NALF1: variants seen among roughly 807,000 people sequenced by gnomAD.
NALF1 encodes NALCN channel auxiliary factor 1.
Under a neutral mutation model 48.4 loss-of-function variants are expected in NALF1, and 3 were observed. That is an observed-to-expected ratio of 0.06 (90% confidence interval 0.03 to 0.16). NALF1 has a LOEUF of 0.16. Among genes scored for constraint, NALF1 ranks in the 10% least tolerant of loss-of-function variants. The probability of loss-of-function intolerance (pLI) is 1.00; values close to 1 mark genes in which losing one functional copy is unlikely to be tolerated. For synonymous variants in NALF1, 262 were observed against 245.7 expected, an observed-to-expected ratio of 1.07 and a Z score of -0.62; for missense variants, 526 against 571.5, an observed-to-expected ratio of 0.92 and a Z score of 0.81.
At chr13:107,741,315 C>T (rs1254754628) in intron 1 of NALF1, among the ~76,000 whole-genome samples, 1 of 152,122 alleles carries the variant, frequency 6.6e-6, no homozygotes, top group Non-Finnish European at 1.5e-5. Context: ...TCAGCTTCCC[C>T]TAGGATAAAT....
intron 1 of NALF1, among the ~76,000 whole-genome samples, chr13:107,335,386 G>A (rs1315103532): frequency 6.6e-6 from 1 of 152,076 alleles, no homozygotes; most frequent in African/African-American, 2.4e-5. Flanking sequence ...CAAATAAAAC[G>A]GATCAAGTGT....
chr13:107,866,338 TCTGCTGCTGCTGCTG>T lies in NALF1; in HGVS notation c.244_258del (p.Gln82_Gln86del), dbSNP rs756515049. 1.9e-5 allele frequency: 30 copies of T among 1,598,644 alleles called. No homozygotes were observed. Among genetic ancestry groups the T allele is most frequent in the South Asian group, 4.5e-5 (4 of 89,754 alleles). ...TGCTGCTGCTGCTGCTGCCGCTGCC[TCTGCTGCTGCTGCTG>T]CTGCTGCTGCTGCCGCTGCTGCTGC... On this transcript the variant is annotated inframe_deletion, in exon 1 of 3. Transcript: ENST00000375915. The surrounding 1 kb of genome is among the most constrained non-coding windows in gnomAD (Gnocchi z 4.4).
rs1011621864 is a variant in NALF1, at chr13:107,362,959, C to A, written c.916-152204G>T. 4.6e-5 allele frequency among the ~76,000 whole-genome samples: 7 copies of A among 152,042 alleles called. No individual in the cohort carries two copies. The highest frequency in any genetic ancestry group is 8.8e-5 in the Non-Finnish European group (6 of 68,030). ...TCATAGAACTATGATGTCCCCAAGACTCAAAAGCTTACCATATAATAATTG... is the reference window on the plus strand; with the variant it reads ...TCATAGAACTATGATGTCCCCAAGAATCAAAAGCTTACCATATAATAATTG... On this transcript the variant is annotated intron_variant, in intron 1 of 2. Coordinates refer to ENST00000375915, the MANE Select transcript of NALF1 (RefSeq NM_001080396.3). This position sits in a 1 kb window ranked among gnomAD's most constrained non-coding sequence, Gnocchi z 4.6.
At chr13:107,605,767 C>T (rs561259157) in intron 1 of NALF1, among the ~76,000 whole-genome samples, 63 of 152,326 alleles carry the variant, frequency 4.1e-4, no homozygotes, top group Middle Eastern at 3.4e-3. Flanking sequence ...GCTCAAGTCC[C>T]TGCTGCTGGG....
chr13:107,567,775 C>G lies in NALF1; in HGVS notation c.915+297907G>C, dbSNP rs144188737. ...TCTCCCTAAAATTACCCCTTTATAGCCAAACCCACCCTCCCATCTCTAACA... is the reference window on the plus strand; with the variant it reads ...TCTCCCTAAAATTACCCCTTTATAGGCAAACCCACCCTCCCATCTCTAACA... On this transcript the variant is annotated intron_variant, in intron 1 of 2. Coordinates refer to ENST00000375915, the MANE Select transcript of NALF1 (RefSeq NM_001080396.3). Among the ~76,000 whole-genome samples the G allele has an allele frequency of 5.9e-5, 9 of 152,262 alleles. No individual in the cohort carries two copies. In the East Asian group the frequency reaches 1.7e-3, roughly 29 times the overall value.
At chr13:107,620,141 G>A (rs1879482761) in intron 1 of NALF1, among the ~76,000 whole-genome samples, 1 of 152,150 alleles carries the variant, frequency 6.6e-6, no homozygotes, top group Admixed American at 6.5e-5. Flanking sequence ...TCCTCTAGGA[G>A]AAGAAAAAAT....
intron 2 of NALF1, among the ~76,000 whole-genome samples, chr13:107,176,894 AATTTATTT>A (rs1878951071): frequency 6.6e-6 from 1 of 151,640 alleles, no homozygotes; most frequent in Admixed American, 6.6e-5. Context: ...TTTGTTTTTA[AATTTATTT>A]AAATTTATTT....
intron 1 of NALF1, among the ~76,000 whole-genome samples, chr13:107,772,078 G>A (rs1361786395): frequency 1.3e-5 from 2 of 152,038 alleles, no homozygotes; most frequent in African/African-American, 2.4e-5. Flanking sequence ...GCAAAATATA[G>A]TAATTAAGAA....
intron 1 of NALF1, among the ~76,000 whole-genome samples, chr13:107,371,201 C>G (rs918854932): frequency 6.6e-6 from 1 of 152,166 alleles, no homozygotes; most frequent in African/African-American, 2.4e-5. Flanking sequence ...AATCCCAGCA[C>G]TTTGGAAAGC....
In NALF1 at chr13:107,510,400, C is replaced by T. The variant is rs1346419243; in HGVS notation, c.916-299645G>A. On this transcript the variant is annotated intron_variant, in intron 1 of 2. Coordinates refer to ENST00000375915, the MANE Select transcript of NALF1 (RefSeq NM_001080396.3). The stretch of plus-strand genomic sequence containing the variant: ...TACAACGGAGGGTCTGATTTCATTA[C>T]TTTTAAATGGAAAAATCAAGGAAAA... 4.6e-5 allele frequency among the ~76,000 whole-genome samples: 7 copies of T among 152,210 alleles called. No individual in the cohort carries two copies. The East Asian group carries it at 1.4e-3, about 29-fold the overall frequency.
chr13:107,176,641 CAAAAAAAAATT>C (rs887128241), intron 2 of NALF1, among the ~76,000 whole-genome samples: 38 of 148,814 alleles, frequency 2.6e-4, no homozygotes, highest in Admixed American at 6.7e-4. Context: ...GACTCCATCT[CAAAAAAAAATT>C]AAAAAAAAAT....
At chr13:107,577,295 G>A (rs1460763059) in intron 1 of NALF1, among the ~76,000 whole-genome samples, 1 of 152,168 alleles carries the variant, frequency 6.6e-6, no homozygotes, top group Non-Finnish European at 1.5e-5. Context: ...CACAAGGCAA[G>A]CAATTTCAAG....
intron 1 of NALF1, among the ~76,000 whole-genome samples, chr13:107,839,880 T>C (rs969283196): frequency 1.3e-5 from 2 of 152,128 alleles, no homozygotes; most frequent in African/African-American, 2.4e-5. Context: ...AATATTCAGT[T>C]TGCACTTAAA....
intron 1 of NALF1, among the ~76,000 whole-genome samples, chr13:107,491,558 C>T (rs1198652167): frequency 6.6e-6 from 1 of 152,140 alleles, no homozygotes; most frequent in African/African-American, 2.4e-5. Flanking sequence ...TATCATTCTA[C>T]CCCTGCAAAG....
At position 107,201,165 on chromosome 13, in the gene NALF1, TATC is replaced by T. The variant is rs201367154; in HGVS notation, c.1087+9416_1087+9418del. ...GTTGATATCTATCTATCTATCTATC[TATC>T]ATCTATCTATCTATCTATCTATCTA... On this transcript the variant is annotated intron_variant, in intron 2 of 2. Coordinates refer to ENST00000375915, the MANE Select transcript of NALF1 (RefSeq NM_001080396.3). Among the ~76,000 whole-genome samples the T allele has an allele frequency of 5.7e-4, 83 of 144,768 alleles. 1 individual carries two copies. The highest frequency in any genetic ancestry group is 6.8e-3 in the Middle Eastern group (2 of 294). The allele number at this position is 144,768 out of a possible 152,430, so 95.0% of individuals were successfully genotyped here.
At chr13:107,275,128 C>A (rs1025080247) in intron 1 of NALF1, among the ~76,000 whole-genome samples, 1 of 152,168 alleles carries the variant, frequency 6.6e-6, no homozygotes, top group African/African-American at 2.4e-5. Flanking sequence ...TACAAAACTA[C>A]TATTTTTGCC....
intron 1 of NALF1, among the ~76,000 whole-genome samples, chr13:107,396,315 T>C (rs1883711073): frequency 6.6e-6 from 1 of 152,168 alleles, no homozygotes. Context: ...GTGCAGCTCT[T>C]AATGGAAGCG....
chr13:107,247,372 T>C (rs1236396345), intron 1 of NALF1, among the ~76,000 whole-genome samples: 1 of 152,228 alleles, frequency 6.6e-6, no homozygotes, highest in African/African-American at 2.4e-5. Flanking sequence ...TTGCATTATC[T>C]TGACAGATAT....
chr13:107,350,025 G>A (rs920598921), intron 1 of NALF1, among the ~76,000 whole-genome samples: 7 of 152,018 alleles, frequency 4.6e-5, no homozygotes, highest in Admixed American at 2.0e-4. Context: ...CCTCACATGC[G>A]CAGTTCACAG....
Sources: allele counts gnomAD v4.1 joint callset (sites outside exome capture counted in the v4.1 genomes callset), GRCh38; gene constraint gnomAD v4.1.1; non-coding constraint Gnocchi (gnomAD v3.1); transcripts MANE v1.5; gene names NCBI Gene and HGNC (gene_info 2026-07-23, HGNC 2026-07-21).